MBP: variants seen among roughly 807,000 people sequenced by gnomAD.
MBP encodes Golli-MBP.
A neutral mutation model predicts 35.8 loss-of-function variants in MBP; 16 were observed. The observed-to-expected ratio is 0.45, with a 90% CI of 0.30 to 0.68. MBP has a LOEUF of 0.68. Among genes scored for constraint, MBP ranks in the 30% least tolerant of loss-of-function variants. The pLI is 0.08. For synonymous variants in MBP, 143 were observed against 159.6 expected, an observed-to-expected ratio of 0.90 and a Z score of 0.78; for missense variants, 380 against 404.7, an observed-to-expected ratio of 0.94 and a Z score of 0.52.
Position 77,094,082 on chromosome 18 carries a change from T to G in MBP, c.51+11129A>C, listed in dbSNP as rs572470537. ...ACCTCCACCTCCTGGGTTCAAGTGA[T>G]TCTCCTGCCTCAGCCTCCGGAGTAG... On this transcript the variant is annotated intron_variant, in intron 2 of 8. Coordinates refer to ENST00000355994, the MANE Select transcript of MBP (RefSeq NM_001025101.2). Among the ~76,000 whole-genome samples the G allele has an allele frequency of 7.2e-5, 11 of 152,122 alleles. No individual in the cohort carries two copies. The East Asian group carries it at 2.1e-3, about 29-fold the overall frequency.
intron 3 of MBP, among the ~76,000 whole-genome samples, chr18:77,041,699 G>A (rs1319634370): frequency 6.8e-6 from 1 of 147,556 alleles, no homozygotes; most frequent in African/African-American, 2.5e-5. Flanking sequence ...AACACCGCGT[G>A]TTCTCACTCA....
intron 2 of MBP, among the ~76,000 whole-genome samples, chr18:77,082,638 G>A (rs974788447): frequency 7.0e-6 from 1 of 142,612 alleles, no homozygotes; most frequent in Non-Finnish European, 1.5e-5. Flanking sequence ...GACTGGGCAT[G>A]CGGCTCAGGG....
At chr18:77,016,091 AC>A in intron 4 of MBP, 1 of 985,386 alleles carries the variant, frequency 1.0e-6, no homozygotes, top group Non-Finnish European at 1.2e-6. Flanking sequence ...ACCAGCAGCC[AC>A]AGGTTCTCCA....
intron 8 of MBP, chr18:76,983,726 G>A (rs1057139171): frequency 6.6e-6 from 1 of 151,872 alleles, no homozygotes; most frequent in Non-Finnish European, 1.5e-5. Context: ...GTTGTCCACA[G>A]AACCTCCCAG....
chr18:77,071,583 T>C (rs968129290), intron 2 of MBP, among the ~76,000 whole-genome samples: 2 of 152,192 alleles, frequency 1.3e-5, no homozygotes, highest in African/African-American at 4.8e-5. Flanking sequence ...CATGACTGTA[T>C]TCTCTCCTTG....
chr18:77,132,997 C>T (rs1977337599), upstream of MBP, among the ~76,000 whole-genome samples: 1 of 152,082 alleles, frequency 6.6e-6, no homozygotes, highest in African/African-American at 2.4e-5. Context: ...AGGGTCAGAC[C>T]TCGGAGGGGC....
intron 3 of MBP, among the ~76,000 whole-genome samples, chr18:77,062,244 C>CTGCCTTTAGTTTAG (rs1442835692): frequency 6.6e-6 from 1 of 152,154 alleles, no homozygotes; most frequent in Non-Finnish European, 1.5e-5. Flanking sequence ...TAGTTTAGCC[C>CTGCCTTTAGTTTAG]CACGATTAGT....
chr18:77,016,021 C>T, intron 4 of MBP: 1 of 985,458 alleles, frequency 1.0e-6, no homozygotes, highest in Non-Finnish European at 1.2e-6. Context: ...ACACTCTAAA[C>T]ATCACGTAAA....
chr18:77,010,939 T>C (rs943497472), intron 4 of MBP, among the ~76,000 whole-genome samples: 22 of 152,158 alleles, frequency 1.4e-4, no homozygotes, highest in African/African-American at 5.3e-4. Context: ...AGAGATGAAA[T>C]CAGCGTAATA....
intron 2 of MBP, among the ~76,000 whole-genome samples, chr18:77,093,981 CTT>C (rs58936481): frequency 4.1e-5 from 6 of 144,928 alleles, no homozygotes; most frequent in South Asian, 2.2e-4. Flanking sequence ...TTTTTTTCTT[CTT>C]TTTTTTTTTT....
chr18:77,090,618 GC>G (rs1245795915), intron 2 of MBP, among the ~76,000 whole-genome samples: 3 of 152,160 alleles, frequency 2.0e-5, no homozygotes, highest in African/African-American at 7.2e-5. Flanking sequence ...GTGTCTGATG[GC>G]CCCATGCTCT....
intron 2 of MBP, among the ~76,000 whole-genome samples, chr18:77,081,690 A>G (rs941583423): frequency 6.6e-6 from 1 of 151,696 alleles, no homozygotes; most frequent in Admixed American, 6.6e-5. Context: ...CTAAGAATAC[A>G]CCCAAGAGAA....
At chr18:77,029,426 G>A (rs1439005659) in intron 3 of MBP, among the ~76,000 whole-genome samples, 1 of 123,392 alleles carries the variant, frequency 8.1e-6, no homozygotes, top group East Asian at 2.9e-4. Flanking sequence ...GGAGACCGTG[G>A]GGAGAGGGAG....
At chr18:77,030,080 C>T (rs891681530) in intron 3 of MBP, among the ~76,000 whole-genome samples, 1 of 152,088 alleles carries the variant, frequency 6.6e-6, no homozygotes, top group African/African-American at 2.4e-5. Context: ...GGATCTATCA[C>T]ATTAAAATAC....
At position 77,131,332 on chromosome 18, in the gene MBP, G is replaced by C. The variant is rs907511541; in HGVS notation, c.-26+1248C>G. Among the ~76,000 whole-genome samples the C allele has an allele frequency of 6.6e-6, 1 of 152,184 alleles. No individual in the cohort carries two copies. The highest frequency in any genetic ancestry group is 2.1e-4 in the South Asian group (1 of 4,820). On this transcript the variant is annotated intron_variant, in intron 1 of 8. Coordinates refer to ENST00000355994, the MANE Select transcript of MBP (RefSeq NM_001025101.2). The surrounding 1 kb of genome is among the most constrained non-coding windows in gnomAD (Gnocchi z 5.5). ...TCCTTAAACTGTCCCCCGGAGCTTC[G>C]CCAGATAAAATGTCCAAAACACACA...
intron 2 of MBP, among the ~76,000 whole-genome samples, chr18:77,082,222 A>C (rs1025175700): frequency 6.6e-6 from 1 of 152,200 alleles, no homozygotes; most frequent in African/African-American, 2.4e-5. Context: ...TCAATGAATA[A>C]ATAAAATATG....
intron 2 of MBP, among the ~76,000 whole-genome samples, chr18:77,079,468 G>A (rs1231914685): frequency 6.6e-6 from 1 of 152,202 alleles, no homozygotes; most frequent in Non-Finnish European, 1.5e-5. Context: ...ATCTCTCAAA[G>A]GTAAATTCTC....
At chr18:76,986,509 C>G in intron 7 of MBP, 1 of 985,540 alleles carries the variant, frequency 1.0e-6, no homozygotes, top group Non-Finnish European at 1.2e-6. Context: ...TCAGCCTGTG[C>G]TTGGGAGTGA....
At chr18:77,014,249 G>T in intron 4 of MBP, 9 of 985,420 alleles carry the variant, frequency 9.1e-6, no homozygotes, top group South Asian at 4.7e-5. Flanking sequence ...TCCCGGGCTC[G>T]GGGGCGGCCG....
Sources: allele counts gnomAD v4.1 joint callset (sites outside exome capture counted in the v4.1 genomes callset), GRCh38; gene constraint gnomAD v4.1.1; non-coding constraint Gnocchi (gnomAD v3.1); transcripts MANE v1.5; gene names NCBI Gene and HGNC (gene_info 2026-07-23, HGNC 2026-07-21).